Variants in FHIT observed in about 807,000 individuals in gnomAD.
The protein encoded by FHIT is bis(5'-adenosyl)-triphosphatase.
A neutral mutation model predicts 17.9 loss-of-function variants in FHIT; 19 were observed. The observed-to-expected ratio is 1.06, with a 90% CI of 0.74 to 1.56. The LOEUF (loss-of-function observed/expected upper bound fraction) is 1.56, where lower values mean the gene tolerates loss of function less well. Ranked by LOEUF, FHIT falls within the 40% of genes most tolerant of loss-of-function variation. The pLI, the probability that FHIT is intolerant of heterozygous loss-of-function variation, is 0.00. For synonymous variants in FHIT, 81 were observed against 69.7 expected (o/e 1.16, Z -0.81); for missense variants, 248 against 189.2 (o/e 1.31, Z -1.82).
chr3:61,243,221 A>G (rs1017846988), intron 1 of FHIT, among the ~76,000 whole-genome samples: 1 of 152,102 alleles, frequency 6.6e-6, no homozygotes, highest in African/African-American at 2.4e-5. Flanking sequence ...TTCTCCACAT[A>G]ATATATAAGC....
chr3:60,043,128 C>G (rs559272208), intron 5 of FHIT, among the ~76,000 whole-genome samples: 1 of 152,306 alleles, frequency 6.6e-6, no homozygotes, highest in East Asian at 1.9e-4. Flanking sequence ...TTCATTCTCC[C>G]TTGCATTGAC....
At chr3:60,127,430 C>G (rs554346797) in intron 5 of FHIT, among the ~76,000 whole-genome samples, 1 of 152,072 alleles carries the variant, frequency 6.6e-6, no homozygotes, top group Non-Finnish European at 1.5e-5. Context: ...ACTTCCTCCC[C>G]CTTTCCACCC....
chr3:60,495,466 G>C (rs1052618244), intron 5 of FHIT, among the ~76,000 whole-genome samples: 5 of 151,712 alleles, frequency 3.3e-5, no homozygotes, highest in African/African-American at 1.2e-4. Context: ...ACAAATATGA[G>C]TTTTTACTCC....
At chr3:61,172,166 A>G (rs1032769964) in intron 2 of FHIT, among the ~76,000 whole-genome samples, 2 of 152,148 alleles carry the variant, frequency 1.3e-5, no homozygotes, top group South Asian at 2.1e-4. Flanking sequence ...ACAGAAAACA[A>G]TCTCAATTAT....
At chr3:59,754,402 T>C (rs1305624841) in intron 8 of FHIT, among the ~76,000 whole-genome samples, 2 of 152,160 alleles carry the variant, frequency 1.3e-5, no homozygotes, top group East Asian at 1.9e-4. Context: ...GAGGCAAACA[T>C]GCTGCAGTTG....
At chr3:60,875,972 T>C (rs558464181) in intron 3 of FHIT, among the ~76,000 whole-genome samples, 44 of 143,792 alleles carry the variant, frequency 3.1e-4, no homozygotes, top group African/African-American at 9.9e-4. Context: ...TGTAAATGAA[T>C]AGATATTCAT....
intron 3 of FHIT, among the ~76,000 whole-genome samples, chr3:60,992,242 A>G (rs2030288654): frequency 6.6e-6 from 1 of 152,340 alleles, no homozygotes; most frequent in Non-Finnish European, 1.5e-5. Flanking sequence ...AAACATTTGG[A>G]AAGAGCACAA....
intron 2 of FHIT, among the ~76,000 whole-genome samples, chr3:61,140,116 G>C (rs1001207431): frequency 9.2e-5 from 14 of 152,020 alleles, no homozygotes; most frequent in African/African-American, 3.4e-4. Flanking sequence ...AAGAAGTCCT[G>C]ACTGTGTCAT....
intron 5 of FHIT, among the ~76,000 whole-genome samples, chr3:60,431,013 A>C (rs1576641440): frequency 6.6e-6 from 1 of 152,036 alleles, no homozygotes. Context: ...ACAGTTCAAG[A>C]CCAGCCTGGA....
intron 5 of FHIT, among the ~76,000 whole-genome samples, chr3:60,037,082 C>T (rs767465916): frequency 1.5e-4 from 23 of 152,178 alleles, no homozygotes; most frequent in Non-Finnish European, 3.1e-4. Flanking sequence ...CACCTTGTCA[C>T]GGTCCGACGT....
At chr3:60,879,527 T>A (rs1224743223) in intron 3 of FHIT, among the ~76,000 whole-genome samples, 1 of 152,116 alleles carries the variant, frequency 6.6e-6, no homozygotes, top group Non-Finnish European at 1.5e-5. Context: ...AAGAAATATG[T>A]CAATGCCAAA....
At chr3:61,089,498 T>C (rs1404778565) in intron 2 of FHIT, among the ~76,000 whole-genome samples, 1 of 152,218 alleles carries the variant, frequency 6.6e-6, no homozygotes, top group African/African-American at 2.4e-5. Context: ...GTGACCTTTT[T>C]TGTAATGGCT....
intron 4 of FHIT, among the ~76,000 whole-genome samples, chr3:60,799,835 A>C (rs534527099): frequency 6.6e-6 from 1 of 152,294 alleles, no homozygotes; most frequent in East Asian, 1.9e-4. Context: ...CTGTAATTCT[A>C]TATATTTATC....
intron 3 of FHIT, among the ~76,000 whole-genome samples, chr3:60,997,949 C>A (rs976851233): frequency 1.3e-5 from 2 of 152,040 alleles, no homozygotes; most frequent in African/African-American, 4.8e-5. Context: ...GAAATAACAG[C>A]CTATATCTGA....
intron 3 of FHIT, chr3:60,856,511 A>T (rs1320399616): frequency 6.6e-6 from 1 of 152,140 alleles, no homozygotes; most frequent in Non-Finnish European, 1.5e-5. Flanking sequence ...GGGAGAGAAC[A>T]TTGCATATCT....
intron 8 of FHIT, among the ~76,000 whole-genome samples, chr3:59,759,423 C>T (rs1158188870): frequency 2.0e-5 from 3 of 152,118 alleles, no homozygotes; most frequent in African/African-American, 7.2e-5. Context: ...GGCTAGTTAG[C>T]GTCATGGCCA....
chr3:59,829,923 C>T (rs1246221150), intron 8 of FHIT, among the ~76,000 whole-genome samples: 1 of 151,340 alleles, frequency 6.6e-6, no homozygotes, highest in Admixed American at 6.6e-5. Flanking sequence ...CCCATATCTA[C>T]AAAAATAAAA....
intron 4 of FHIT, among the ~76,000 whole-genome samples, chr3:60,785,295 T>C (rs937861722): frequency 5.3e-5 from 8 of 152,232 alleles, no homozygotes; most frequent in South Asian, 2.1e-4. Context: ...GACTAGCCCT[T>C]GGCTGTGGTG....
In FHIT at chr3:60,204,451, T is replaced by TG. The variant is rs147496329; in HGVS notation, c.104-190300_104-190299insC. ...TGCCCAGCTAATATTCTGGTTTTTT[T>TG]TTTTTTGTTTTGTTTTTTTAGTAGA... On this transcript the variant is annotated intron_variant, in intron 5 of 9. Transcript: ENST00000492590. 6.8e-3 allele frequency among the ~76,000 whole-genome samples: 736 copies of TG among 107,810 alleles called. 8 individuals carry two copies. The highest frequency in any genetic ancestry group is 0.027 in the African/African-American group (699 of 26,166). The allele number at this position is 107,810 out of a possible 152,430, so 70.7% of individuals were successfully genotyped here. A position where few individuals can be genotyped will look rare whatever the true frequency, so the allele number is the denominator to read the frequency against.
Sources: allele counts gnomAD v4.1 joint callset (sites outside exome capture counted in the v4.1 genomes callset), GRCh38; gene constraint gnomAD v4.1.1; transcripts MANE v1.5; gene names NCBI Gene and HGNC (gene_info 2026-07-23, HGNC 2026-07-21).